ESRRG: variants seen among roughly 807,000 people sequenced by gnomAD.
ESRRG encodes estrogen-related receptor gamma.
A neutral mutation model predicts 44.0 loss-of-function variants in ESRRG; 13 were observed. The ratio of observed to expected loss-of-function variants is 0.30; its 90% CI spans 0.19 to 0.47. The LOEUF (loss-of-function observed/expected upper bound fraction) is 0.47, where lower values mean the gene tolerates loss of function less well. ESRRG is among the 20% of genes least tolerant of loss of function. ESRRG has a pLI of 1.00. For missense variants in ESRRG, 395 were observed against 580.6 expected (o/e 0.68, Z 3.29); for synonymous variants, 215 against 214.6 (o/e 1.00, Z -0.02).
chr1:216,785,923 C>T (rs2094112481), intron 2 of ESRRG, among the ~76,000 whole-genome samples: 1 of 152,104 alleles, frequency 6.6e-6, no homozygotes, highest in African/African-American at 2.4e-5. Context: ...CAAATCATAA[C>T]ATTTTGCATG....
At chr1:216,543,188 C>T (rs898948680) in intron 5 of ESRRG, among the ~76,000 whole-genome samples, 1 of 152,008 alleles carries the variant, frequency 6.6e-6, no homozygotes, top group Non-Finnish European at 1.5e-5. Flanking sequence ...CTGATATTGC[C>T]TGCAGCACTG....
At chr1:216,763,421 C>A (rs1295762634) in intron 2 of ESRRG, among the ~76,000 whole-genome samples, 3 of 152,000 alleles carry the variant, frequency 2.0e-5, no homozygotes, top group African/African-American at 7.3e-5. Context: ...TTTTACAAAT[C>A]CCATTTGAGT....
intron 3 of ESRRG, among the ~76,000 whole-genome samples, chr1:216,596,639 A>G (rs1033582540): frequency 2.6e-4 from 39 of 152,216 alleles, no homozygotes; most frequent in Non-Finnish European, 8.8e-5. Context: ...GCCAATATCA[A>G]TGCTCCAAGT....
intron 2 of ESRRG, among the ~76,000 whole-genome samples, chr1:216,763,648 A>T (rs2092920122): frequency 6.6e-6 from 1 of 152,134 alleles, no homozygotes; most frequent in South Asian, 2.1e-4. Context: ...TTTGATTTGC[A>T]GTTGTTCTTC....
Position 216,564,310 on chromosome 1 carries a change from G to T in ESRRG, c.771C>A (p.Val257=), listed in dbSNP as rs966328648. The T allele has an allele frequency of 8.1e-6, 13 of 1,611,866 alleles. No individual in the cohort carries two copies. The African/African-American group carries it at 1.2e-4, about 15-fold the overall frequency. Residue 257 remains valine (V), a synonymous_variant, in exon 5 of 7, where the codon GTC becomes GTA. Transcript: ENST00000408911. ...TGAGGGCTTTGATGTCACTGTCGGGGACAGTAGGGTCAGGCATGGCATAGA... is the reference window on the plus strand; with the variant it reads ...TGAGGGCTTTGATGTCACTGTCGGGTACAGTAGGGTCAGGCATGGCATAGA... ...EKIYAMPDPT[V]PDSDIKALTT...
chr1:216,530,524 T>C (rs2049058829), intron 5 of ESRRG, among the ~76,000 whole-genome samples: 1 of 152,154 alleles, frequency 6.6e-6, no homozygotes, highest in African/African-American at 2.4e-5. Flanking sequence ...AAAAAGATCT[T>C]TGTGTAACTG....
chr1:216,615,190 A>G (rs1039366080), intron 3 of ESRRG, among the ~76,000 whole-genome samples: 8 of 152,190 alleles, frequency 5.3e-5, no homozygotes, highest in African/African-American at 1.9e-4. Flanking sequence ...AAAGTGACTG[A>G]GGAGCTTTTT....
chr1:216,516,427 T>C (rs941368588), intron 6 of ESRRG, among the ~76,000 whole-genome samples: 2 of 151,910 alleles, frequency 1.3e-5, no homozygotes, highest in Non-Finnish European at 2.9e-5. Flanking sequence ...CAGTTGCCTG[T>C]TTTCCAAGCA....
chr1:216,913,398 G>T (rs1306056592), intron 2 of ESRRG, among the ~76,000 whole-genome samples: 1 of 151,878 alleles, frequency 6.6e-6, no homozygotes. Flanking sequence ...GGTGGCTACT[G>T]GAAACAATCC....
intron 1 of ESRRG, among the ~76,000 whole-genome samples, chr1:216,988,014 C>T (rs1251549959): frequency 2.0e-5 from 3 of 152,130 alleles, no homozygotes; most frequent in African/African-American, 4.8e-5. Flanking sequence ...GCTGCCTTTC[C>T]TTCTCTGTCT....
chr1:216,909,685 T>C (rs1267728120), intron 2 of ESRRG, among the ~76,000 whole-genome samples: 1 of 152,040 alleles, frequency 6.6e-6, no homozygotes, highest in Non-Finnish European at 1.5e-5. Context: ...GTGCCCGGCC[T>C]CCTTACCTAA....
chr1:216,969,032 C>T lies in ESRRG; in HGVS notation c.-105-29359G>A, dbSNP rs564462726. On this transcript the variant is annotated intron_variant, in intron 1 of 7. Coordinates refer to the ESRRG transcript ENST00000359162. The stretch of plus-strand genomic sequence containing the variant: ...CTTCTTTGCTTCCACTCTTTCTAGA[C>T]TAACTCCTTTAGAAATCTCAGGTCT... Among the ~76,000 whole-genome samples the T allele has an allele frequency of 1.1e-3, 161 of 152,308 alleles. 1 individual carries two copies. Among genetic ancestry groups the T allele is most frequent in the African/African-American group, 3.8e-3 (159 of 41,572 alleles).
intron 2 of ESRRG, among the ~76,000 whole-genome samples, chr1:216,675,625 A>G (rs1364737910): frequency 2.6e-5 from 4 of 152,146 alleles, no homozygotes. Context: ...AGGGGGTCTA[A>G]ATTTGAATTA....
chr1:216,810,081 G>C (rs963525396), intron 2 of ESRRG, among the ~76,000 whole-genome samples: 1 of 152,130 alleles, frequency 6.6e-6, no homozygotes, highest in Non-Finnish European at 1.5e-5. Flanking sequence ...CCTGCAAACT[G>C]TTCCTAGGAG....
At chr1:217,120,897 T>A (rs1348819375) in intron 1 of ESRRG, among the ~76,000 whole-genome samples, 1 of 152,246 alleles carries the variant, frequency 6.6e-6, no homozygotes, top group East Asian at 1.9e-4. Context: ...CTTTGACTGA[T>A]GTCTGTCTCT....
intron 1 of ESRRG, among the ~76,000 whole-genome samples, chr1:216,968,489 G>A (rs974775002): frequency 2.0e-5 from 3 of 152,048 alleles, no homozygotes; most frequent in Non-Finnish European, 2.9e-5. Context: ...TTGTTGAAAA[G>A]GCTATTTTTT....
chr1:216,807,668 C>T (rs146255568), intron 2 of ESRRG, among the ~76,000 whole-genome samples: 14 of 151,800 alleles, frequency 9.2e-5, no homozygotes, highest in Admixed American at 7.9e-4. Context: ...AGTAAGTTTC[C>T]GGTATTCTCT....
At chr1:216,994,518 G>A (rs2076121863) in intron 1 of ESRRG, among the ~76,000 whole-genome samples, 2 of 152,146 alleles carry the variant, frequency 1.3e-5, no homozygotes, top group Admixed American at 6.5e-5. Flanking sequence ...TTATCCATAA[G>A]AGACGGTAAA....
intron 2 of ESRRG, among the ~76,000 whole-genome samples, chr1:216,665,942 C>A (rs568179001): frequency 3.1e-4 from 47 of 152,092 alleles, no homozygotes; most frequent in Non-Finnish European, 5.4e-4. Flanking sequence ...TGTTTTATAA[C>A]TTCTAAGAAA....
Sources: gnomAD v4.1 joint callset for allele counts (sites outside exome capture counted in the v4.1 genomes callset) on GRCh38, gnomAD v4.1.1 for gene constraint, MANE v1.5 for transcripts, NCBI Gene and HGNC (gene_info 2026-07-23, HGNC 2026-07-21) for gene names.